Variants in NAALADL2 observed in about 807,000 individuals in gnomAD.
NAALADL2 encodes N-acetylated alpha-linked acidic dipeptidase like 2.
NAALADL2 carries 76 observed loss-of-function variants against 87.2 expected under a neutral mutation model. The ratio of observed to expected loss-of-function variants is 0.87; its 90% CI spans 0.72 to 1.05. The LOEUF is 1.05. NAALADL2 is among the 50% of genes least tolerant of loss of function. NAALADL2 has a pLI of 0.00. For missense variants in NAALADL2, 1,089 were observed against 945.8 expected (o/e 1.15, Z -1.99); for synonymous variants, 354 against 331.0 (o/e 1.07, Z -0.75).
At chr3:174,899,817 C>G (rs925089793) in intron 1 of NAALADL2, among the ~76,000 whole-genome samples, 1 of 151,002 alleles carries the variant, frequency 6.6e-6, no homozygotes, top group African/African-American at 2.4e-5. Context: ...CAGAAAAGAA[C>G]AATAAAATCA....
intron 2 of NAALADL2, among the ~76,000 whole-genome samples, chr3:174,576,143 G>T (rs1220635839): frequency 6.6e-6 from 1 of 152,096 alleles, no homozygotes; most frequent in Non-Finnish European, 1.5e-5. Flanking sequence ...GATTACAGAT[G>T]TGAGCCACCG....
rs535335544 is a variant in NAALADL2, at chr3:175,640,380, C to G, written c.1896+12994C>G. Among the ~76,000 whole-genome samples, 6 of 152,146 alleles carry G rather than the reference C, an allele frequency of 3.9e-5. No individual in the cohort carries two copies. The East Asian group carries it at 1.2e-3, about 29-fold the overall frequency. The stretch of plus-strand genomic sequence containing the variant: ...TCAGTATTCATTGGTGTTTTTTTCC[C>G]TCATGTTACAAATTCAAATGAGGAG... On this transcript the variant is annotated intron_variant, in intron 11 of 13. Transcript: ENST00000454872.
At chr3:175,416,038 C>T (rs938534133) in intron 5 of NAALADL2, among the ~76,000 whole-genome samples, 38 of 151,584 alleles carry the variant, frequency 2.5e-4, no homozygotes, top group Admixed American at 1.9e-3. Context: ...GGGAGGATCC[C>T]GTGAGCCTGG....
At chr3:175,736,486 T>C (rs62286103) in intron 11 of NAALADL2, among the ~76,000 whole-genome samples, 16,691 of 151,912 alleles carry the variant, frequency 0.11, 1,051 homozygotes, top group African/African-American at 0.17. Flanking sequence ...AAACAAAGAG[T>C]CTGTTACAGG....
At chr3:175,165,079 G>A (rs369508210) in intron 2 of NAALADL2, among the ~76,000 whole-genome samples, 1 of 152,080 alleles carries the variant, frequency 6.6e-6, no homozygotes, top group Non-Finnish European at 1.5e-5. Flanking sequence ...ATCTGTCCAC[G>A]TGGCACTTAT....
intron 9 of NAALADL2, chr3:175,487,632 T>C: frequency 2.4e-6 from 1 of 411,032 alleles, no homozygotes; most frequent in Admixed American, 3.1e-5. Flanking sequence ...TATGAAGATA[T>C]TAAATATTTT....
At chr3:175,229,582 C>T (rs536926442) in intron 2 of NAALADL2, among the ~76,000 whole-genome samples, 7 of 151,980 alleles carry the variant, frequency 4.6e-5, no homozygotes, top group Non-Finnish European at 7.4e-5. Context: ...CTGGTAAGGG[C>T]CTGCTCCCTC....
At chr3:174,756,949 CAAAAAAAACA>C (rs1275475011) in intron 3 of NAALADL2, among the ~76,000 whole-genome samples, 3 of 114,232 alleles carry the variant, frequency 2.6e-5, no homozygotes, top group Non-Finnish European at 1.9e-5. Context: ...CACCTATAGA[CAAAAAAAACA>C]AAACAAAACA....
chr3:174,506,102 G>A (rs1719184140), intron 1 of NAALADL2, among the ~76,000 whole-genome samples: 1 of 151,746 alleles, frequency 6.6e-6, no homozygotes, highest in Non-Finnish European at 1.5e-5. Context: ...TTTTCAATAA[G>A]TTTACTCTGA....
intron 5 of NAALADL2, among the ~76,000 whole-genome samples, chr3:175,339,307 A>C (rs1762349226): frequency 6.6e-6 from 1 of 152,212 alleles, no homozygotes; most frequent in African/African-American, 2.4e-5. Flanking sequence ...CCATCGGCTG[A>C]GTGCCATGTG....
intron 4 of NAALADL2, among the ~76,000 whole-genome samples, chr3:175,262,095 A>G (rs906329814): frequency 6.6e-6 from 1 of 152,086 alleles, no homozygotes; most frequent in South Asian, 2.1e-4. Context: ...CATTTAAAAT[A>G]TTGAGTTAGA....
intron 2 of NAALADL2, among the ~76,000 whole-genome samples, chr3:174,717,811 T>A (rs1056105955): frequency 2.0e-5 from 3 of 152,160 alleles, no homozygotes; most frequent in Non-Finnish European, 4.4e-5. Context: ...CAATTCACTT[T>A]TAAAAATACC....
At chr3:175,500,658 T>C (rs1729413703) in intron 9 of NAALADL2, among the ~76,000 whole-genome samples, 1 of 152,108 alleles carries the variant, frequency 6.6e-6, no homozygotes, top group African/African-American at 2.4e-5. Context: ...TGCTTCTCTA[T>C]TATCAAGTAC....
chr3:174,642,804 A>C (rs1025712704), intron 2 of NAALADL2, among the ~76,000 whole-genome samples: 4 of 142,004 alleles, frequency 2.8e-5, no homozygotes, highest in African/African-American at 8.0e-5. Context: ...TTTTTCATGA[A>C]ACTGGATCTC....
At chr3:174,545,577 T>C (rs1244034328) in intron 1 of NAALADL2, among the ~76,000 whole-genome samples, 1 of 152,212 alleles carries the variant, frequency 6.6e-6, no homozygotes, top group Non-Finnish European at 1.5e-5. Flanking sequence ...TGGTTGGTGC[T>C]TCTTTACTCA....
At chr3:175,539,338 A>T (rs1711871766) in intron 9 of NAALADL2, among the ~76,000 whole-genome samples, 1 of 152,154 alleles carries the variant, frequency 6.6e-6, no homozygotes, top group Non-Finnish European at 1.5e-5. Context: ...ATTAAATAGA[A>T]TCTGTTTATA....
At chr3:174,556,928 G>A (rs1358530285) in intron 2 of NAALADL2, among the ~76,000 whole-genome samples, 1 of 152,004 alleles carries the variant, frequency 6.6e-6, no homozygotes, top group Admixed American at 6.6e-5. Flanking sequence ...ATGTTTTATA[G>A]AGATGCGGTC....
chr3:175,105,257 GAGAA>G (rs982617278), intron 2 of NAALADL2, among the ~76,000 whole-genome samples: 14 of 152,146 alleles, frequency 9.2e-5, no homozygotes, highest in African/African-American at 3.4e-4. Flanking sequence ...TTTCACAGTG[GAGAA>G]AGAACTATGG....
intron 2 of NAALADL2, among the ~76,000 whole-genome samples, chr3:174,582,572 A>G (rs1716288965): frequency 6.6e-6 from 1 of 152,034 alleles, no homozygotes; most frequent in Admixed American, 6.6e-5. Flanking sequence ...TTCATCATTT[A>G]TTTCTAGACT....
Sources: gnomAD v4.1 joint callset for allele counts (sites outside exome capture counted in the v4.1 genomes callset) on GRCh38, gnomAD v4.1.1 for gene constraint, MANE v1.5 for transcripts, NCBI Gene and HGNC (gene_info 2026-07-23, HGNC 2026-07-21) for gene names.